FBXL20: variants seen among roughly 807,000 people sequenced by gnomAD.
FBXL20 encodes the protein F-box/LRR-repeat protein 20.
In FBXL20, 11 loss-of-function variants were observed where a neutral mutation model predicts 64.0. The ratio of observed to expected loss-of-function variants is 0.17; its 90% CI spans 0.11 to 0.28. The LOEUF (loss-of-function observed/expected upper bound fraction) is 0.28, where lower values mean the gene tolerates loss of function less well. Among genes scored for constraint, FBXL20 ranks in the 10% least tolerant of loss-of-function variants. The pLI, the probability that FBXL20 is intolerant of heterozygous loss-of-function variation, is 1.00. For synonymous variants in FBXL20, 184 were observed against 189.0 expected (o/e 0.97, Z 0.22); for missense variants, 303 against 526.2 (o/e 0.58, Z 4.15).
intron 2 of FBXL20, among the ~76,000 whole-genome samples, chr17:39,339,110 G>A (rs1745429521): frequency 6.8e-6 from 1 of 146,712 alleles, no homozygotes; most frequent in Non-Finnish European, 1.5e-5. Context: ...GGAGGTTACA[G>A]TGAGCCGAGA....
chr17:39,363,810 CAAA>C (rs71372113), intron 1 of FBXL20, among the ~76,000 whole-genome samples: 103 of 26,528 alleles, frequency 3.9e-3, no homozygotes, highest in African/African-American at 8.1e-3. Flanking sequence ...GACTTTATCT[CAAA>C]AAAAAAAAAA....
intron 9 of FBXL20, among the ~76,000 whole-genome samples, chr17:39,280,325 C>T (rs2046937715): frequency 6.7e-6 from 1 of 149,218 alleles, no homozygotes; most frequent in African/African-American, 2.5e-5. Context: ...ATTGTTTGAA[C>T]CCGGGAAGCA....
chr17:39,337,495 A>T (rs12986140), intron 2 of FBXL20, among the ~76,000 whole-genome samples: 1 of 151,142 alleles, frequency 6.6e-6, no homozygotes, highest in Non-Finnish European at 1.5e-5. Context: ...CAGTCTGGAA[A>T]GTGAGGAGCG....
At chr17:39,299,183 CT>C (rs1050297186) in intron 4 of FBXL20, 99 bp from the exon 5 acceptor site, 2 of 846,422 alleles carry the variant, frequency 2.4e-6, no homozygotes, top group African/African-American at 3.5e-5. Context: ...AGAGAAAATG[CT>C]TCTATTATGA....
At chr17:39,275,707 G>C (rs1183733524) in intron 9 of FBXL20, among the ~76,000 whole-genome samples, 1 of 151,724 alleles carries the variant, frequency 6.6e-6, no homozygotes, top group East Asian at 1.9e-4. Flanking sequence ...ACCATGCCTG[G>C]CCTCAATTAA....
In FBXL20 at chr17:39,268,881, A is replaced by G; in HGVS notation, c.889-10T>C. 6.2e-7 allele frequency: 1 copy of G among 1,612,522 alleles called. No homozygotes were observed. Among genetic ancestry groups the G allele is most frequent in the Non-Finnish European group, 8.5e-7 (1 of 1,178,816 alleles). ...CAAGTTCATGGCAATTCTACAAAGT[A>G]CAAAAACAAACACAAACATTACAGT... On this transcript the variant is annotated splice_polypyrimidine_tract_variant and intron_variant, in intron 11 of 14. Coordinates refer to ENST00000264658, the MANE Select transcript of FBXL20 (RefSeq NM_032875.3).
intron 1 of FBXL20, among the ~76,000 whole-genome samples, chr17:39,377,081 A>G (rs1466938607): frequency 6.6e-6 from 1 of 152,144 alleles, no homozygotes; most frequent in Non-Finnish European, 1.5e-5. Context: ...TAGTACTAAC[A>G]TTAGCCACAA....
At chr17:39,398,501 G>A (rs960245164) in intron 1 of FBXL20, among the ~76,000 whole-genome samples, 5 of 152,106 alleles carry the variant, frequency 3.3e-5, no homozygotes, top group African/African-American at 9.7e-5. Context: ...ATACTATGTT[G>A]ACCTACAAGG....
intron 6 of FBXL20, among the ~76,000 whole-genome samples, chr17:39,292,209 T>G (rs2047045756): frequency 1.3e-5 from 2 of 150,644 alleles, no homozygotes; most frequent in South Asian, 4.2e-4. Context: ...GGGGTACTAT[T>G]TAATACCTTT....
At chr17:39,308,344 A>G in intron 2 of FBXL20, among the ~76,000 whole-genome samples, 1 of 151,966 alleles carries the variant, frequency 6.6e-6, no homozygotes, top group Non-Finnish European at 1.5e-5. Flanking sequence ...AAATGAAAAA[A>G]TTTAGCTGAG....
chr17:39,351,239 G>C (rs570021172), intron 1 of FBXL20, among the ~76,000 whole-genome samples: 45 of 151,840 alleles, frequency 3.0e-4, no homozygotes, highest in Admixed American at 1.8e-3. Context: ...GGGAGGCTGA[G>C]GCAGGAGAAT....
At chr17:39,348,163 T>C (rs1205371467) in intron 1 of FBXL20, among the ~76,000 whole-genome samples, 1 of 149,806 alleles carries the variant, frequency 6.7e-6, no homozygotes, top group Non-Finnish European at 1.5e-5. Context: ...GTCACACACA[T>C]ACAAAAGATG....
At chr17:39,299,167 A>C in intron 4 of FBXL20, 83 bp from the exon 5 acceptor site, 1 of 975,768 alleles carries the variant, frequency 1.0e-6, no homozygotes, top group South Asian at 1.6e-5. Flanking sequence ...AACGATTTAT[A>C]AACAAAGAGA....
intron 1 of FBXL20, 88 bp downstream of exon 1, chr17:39,401,273 G>A (rs1019562061): frequency 2.7e-5 from 44 of 1,602,874 alleles, no homozygotes; most frequent in Admixed American, 6.8e-5. Context: ...GCGCCTGCCA[G>A]GGAGGAGGCT....
intron 1 of FBXL20, among the ~76,000 whole-genome samples, chr17:39,387,816 G>A (rs956621345): frequency 2.6e-5 from 4 of 151,996 alleles, no homozygotes; most frequent in Admixed American, 1.3e-4. Context: ...GGGCTCAAGC[G>A]ATCCTCCCAC....
intron 1 of FBXL20, among the ~76,000 whole-genome samples, chr17:39,386,351 G>A (rs370337498): frequency 9.9e-5 from 15 of 151,806 alleles, no homozygotes; most frequent in East Asian, 5.8e-4. Context: ...GTCTAGGGAC[G>A]GGTGACGTGA....
chr17:39,392,791 T>A (rs923525117), intron 1 of FBXL20, among the ~76,000 whole-genome samples: 4 of 152,010 alleles, frequency 2.6e-5, no homozygotes, highest in East Asian at 1.9e-4. Flanking sequence ...GGCGGGTGGA[T>A]CACTTGAGGC....
intron 2 of FBXL20, among the ~76,000 whole-genome samples, chr17:39,308,157 T>G (rs557076192): frequency 6.6e-6 from 1 of 151,146 alleles, no homozygotes; most frequent in Admixed American, 6.6e-5. Flanking sequence ...TTTTTTTTTT[T>G]CCTAAAGACA....
chr17:39,365,825 ACTT>A (rs1397235863), intron 1 of FBXL20, among the ~76,000 whole-genome samples: 1 of 152,040 alleles, frequency 6.6e-6, no homozygotes, highest in African/African-American at 2.4e-5. Flanking sequence ...CCTACTGAAA[ACTT>A]CTTTTGAAGT....
Sources: gnomAD v4.1 joint callset for allele counts (sites outside exome capture counted in the v4.1 genomes callset) on GRCh38, gnomAD v4.1.1 for gene constraint, MANE v1.5 for transcripts, NCBI Gene and HGNC (gene_info 2026-07-23, HGNC 2026-07-21) for gene names.